The following FMO4 variants were observed in gnomAD, a reference collection of about 807,000 sequenced individuals.
FMO4 encodes dimethylaniline monooxygenase [N-oxide-forming] 4.
A neutral mutation model predicts 43.3 loss-of-function variants in FMO4; 38 were observed. The observed-to-expected ratio is 0.88, with a 90% CI of 0.68 to 1.15. FMO4 has a LOEUF of 1.15. FMO4 is among the 50% of genes most tolerant of loss of function. FMO4 has a pLI of 0.00. For missense variants in FMO4, 631 were observed against 663.3 expected (o/e 0.95, Z 0.54); for synonymous variants, 224 against 232.2 (o/e 0.96, Z 0.32).
At chr1:171,322,533 T>C (rs1310752017) in intron 3 of FMO4, among the ~76,000 whole-genome samples, 1 of 152,184 alleles carries the variant, frequency 6.6e-6, no homozygotes, top group Admixed American at 6.5e-5. Context: ...AGAGACCTAA[T>C]GCTGGGTTTC....
Position 171,323,059 on chromosome 1 carries a change from G to T in FMO4, c.188G>T (p.Cys63Phe). 26 of 1,613,082 alleles carry T rather than the reference G, an allele frequency of 1.6e-5. No homozygotes were observed. The highest frequency in any genetic ancestry group is 1.7e-4 in the Middle Eastern group (1 of 6,056). The change falls in exon 4 of 10, where the codon TGT becomes TTT. Residue 63 changes from cysteine (C) to phenylalanine (F), a missense_variant. Physicochemically the swap from Cys to Phe is radical, Grantham distance 205. Transcript: ENST00000367749. The part of the protein sequence containing the change: ...RVYKSLVTNV[C>F]KEMSCYSDFP... ...TATAAGTCATTAGTGACAAATGTCT[G>T]TAAGGAAATGTCATGTTACAGTGAC...
rs1042767 is a variant in FMO4 at position 171,334,551 on chromosome 1, T to C, written c.968T>C (p.Val323Ala). Reference protein sequence around the residue: ...EDGTVEENIDVVIFTTGYTFS... With the variant: ...EDGTVEENIDAVIFTTGYTFS... Reference sequence around the variant, plus strand: ...GGGACAGTGGAAGAAAACATTGATGTTGTGATCTTCACTACAGGATATACA... The same window carrying C: ...GGGACAGTGGAAGAAAACATTGATGCTGTGATCTTCACTACAGGATATACA... The change falls in exon 8 of 10, where the codon GTT (valine) becomes GCT (alanine). Residue 323 changes from valine to alanine, a missense_variant. Val to Ala is a moderately conservative substitution (Grantham distance 64). Coordinates refer to ENST00000367749, the MANE Select transcript of FMO4 (RefSeq NM_002022.3). 0.014 allele frequency: 22,946 copies of C among 1,613,550 alleles called. 2,451 individuals are homozygous for C. In the African/African-American group the frequency reaches 0.25, roughly 18 times the overall value.
chr1:171,341,332 G>A, intron 9 of FMO4, 81 bp from the exon 10 acceptor site: 1 of 973,574 alleles, frequency 1.0e-6, no homozygotes, highest in Non-Finnish European at 1.5e-6. Flanking sequence ...CAAAATGGTG[G>A]GAGGATGGGT....
chr1:171,318,520 T>C (rs1254334111), intron 2 of FMO4, among the ~76,000 whole-genome samples: 1 of 151,994 alleles, frequency 6.6e-6, no homozygotes, highest in Non-Finnish European at 1.5e-5. Context: ...AAAATAAATG[T>C]TTCACATTTC....
At position 171,334,547 on chromosome 1, in the gene FMO4, G is replaced by A. The variant is rs781027440; in HGVS notation, c.964G>A (p.Asp322Asn). The A allele has an allele frequency of 1.2e-5, 20 of 1,613,218 alleles. No individual in the cohort carries two copies. In the South Asian group the frequency reaches 2.0e-4, roughly 16 times the overall value. The part of the protein sequence containing the change: ...FEDGTVEENI[D>N]VVIFTTGYTF... ...AGATGGGACAGTGGAAGAAAACATT[G>A]ATGTTGTGATCTTCACTACAGGATA... Residue 322 changes from aspartate (D) to asparagine (N), a missense_variant, in exon 8 of 10, where the codon GAT (aspartate) becomes AAT (asparagine). Physicochemically the swap from Asp to Asn is conservative, Grantham distance 23. Transcript: ENST00000367749.
Position 171,337,321 on chromosome 1 carries a change from T to C in FMO4, c.1181-35T>C, listed in dbSNP as rs776208286. The C allele has an allele frequency of 1.0e-5, 15 of 1,445,924 alleles. No homozygotes were observed. The East Asian group carries it at 3.4e-4, about 33-fold the overall frequency. The allele number at this position is 1,445,924 out of a possible 1,614,324, so 89.6% of individuals were successfully genotyped here. A position where few individuals can be genotyped will look rare whatever the true frequency, so the allele number is the denominator to read the frequency against. On this transcript the variant is annotated intron_variant, in intron 8 of 9. Transcript: ENST00000367749. ...GAATTTAAATAAAGGAAAAGCCACA[T>C]GTGACTTTAGTGTTGTTTGTGATTT...
intron 7 of FMO4, among the ~76,000 whole-genome samples, chr1:171,334,059 G>A (rs1426950039): frequency 6.6e-6 from 1 of 152,092 alleles, no homozygotes; most frequent in African/African-American, 2.4e-5. Context: ...TCATTCCCTA[G>A]AGGCCTAAGT....
intron 5 of FMO4, among the ~76,000 whole-genome samples, chr1:171,327,948 C>T (rs1213894392): frequency 6.6e-6 from 1 of 152,098 alleles, no homozygotes; most frequent in Non-Finnish European, 1.5e-5. Context: ...GTATAAAGTT[C>T]TTAGAAGCCT....
chr1:171,324,596 A>G (rs1202369450), intron 5 of FMO4, among the ~76,000 whole-genome samples: 2 of 152,154 alleles, frequency 1.3e-5, no homozygotes, highest in African/African-American at 4.8e-5. Flanking sequence ...GAAAAAGAAC[A>G]GGCTTTGATT....
At position 171,341,906 on chromosome 1, in the gene FMO4, C is replaced by T. The variant is rs1663393717; in HGVS notation, c.*67C>T. On this transcript the variant is annotated 3_prime_UTR_variant, in exon 10 of 10. Transcript: ENST00000367749. ...ATCTCCAAGTATCTTGTGCATCCCT[C>T]CTCTGCTCTCCATCATAACTGCTAT... 1.6e-6 allele frequency: 2 copies of T among 1,280,398 alleles called. No individual in the cohort carries two copies. Among genetic ancestry groups the T allele is most frequent in the African/African-American group, 1.5e-5 (1 of 67,820 alleles). The allele number at this position is 1,280,398 out of a possible 1,614,324, so 79.3% of individuals were successfully genotyped here.
intron 8 of FMO4, among the ~76,000 whole-genome samples, chr1:171,335,963 TAA>T (rs1663097355): frequency 6.6e-6 from 1 of 152,142 alleles, no homozygotes; most frequent in Admixed American, 6.6e-5. Flanking sequence ...ATTAGAATGA[TAA>T]AGCTGACAAA....
chr1:171,337,664 G>C (rs1436223660), intron 9 of FMO4, among the ~76,000 whole-genome samples: 2 of 152,154 alleles, frequency 1.3e-5, no homozygotes, highest in African/African-American at 4.8e-5. Flanking sequence ...CCCCCTACCA[G>C]TGGCAATCCT....
intron 2 of FMO4, among the ~76,000 whole-genome samples, chr1:171,317,448 G>C (rs1006026390): frequency 6.6e-6 from 1 of 152,148 alleles, no homozygotes; most frequent in African/African-American, 2.4e-5. Context: ...GGAAATGCAG[G>C]GAAAAGCAGC....
chr1:171,326,345 T>C (rs1048167493), intron 5 of FMO4, among the ~76,000 whole-genome samples: 13 of 152,210 alleles, frequency 8.5e-5, no homozygotes, highest in African/African-American at 3.1e-4. Context: ...AAAGTTGACA[T>C]TGCAACACAT....
chr1:171,340,566 G>A (rs567732235), intron 9 of FMO4, among the ~76,000 whole-genome samples: 2 of 152,102 alleles, frequency 1.3e-5, no homozygotes, highest in East Asian at 1.9e-4. Context: ...AAGCATGATG[G>A]GAAAATATTT....
intron 7 of FMO4, chr1:171,333,221 ATGT>A (rs1342052102): frequency 7.7e-6 from 2 of 258,294 alleles, no homozygotes; most frequent in South Asian, 4.5e-5. Context: ...TGTGTTGTTG[ATGT>A]TGTTTTTGTT....
chr1:171,336,480 A>C (rs372696963), intron 8 of FMO4, among the ~76,000 whole-genome samples: 28 of 152,304 alleles, frequency 1.8e-4, no homozygotes, highest in Admixed American at 1.2e-3. Flanking sequence ...GAGATTGGGA[A>C]TGAGCAGGTC....
intron 2 of FMO4, among the ~76,000 whole-genome samples, chr1:171,318,410 G>A (rs773150317): frequency 2.6e-4 from 40 of 151,888 alleles, no homozygotes; most frequent in Non-Finnish European, 4.3e-4. Flanking sequence ...TAGCACTTTG[G>A]GAGGCCAAGG....
chr1:171,316,370 T>C (rs1260811741), intron 2 of FMO4, 43 bp downstream of exon 2: 1 of 152,150 alleles, frequency 6.6e-6, no homozygotes, highest in Non-Finnish European at 1.5e-5. Flanking sequence ...ATACATTTTA[T>C]CTGTATGAAC....
Sources: allele counts gnomAD v4.1 joint callset (sites outside exome capture counted in the v4.1 genomes callset), GRCh38; gene constraint gnomAD v4.1.1; transcripts MANE v1.5; gene names NCBI Gene and HGNC (gene_info 2026-07-23, HGNC 2026-07-21).